LRRC4C: variants seen among roughly 807,000 people sequenced by gnomAD.
The protein encoded by LRRC4C is leucine rich repeat containing 4C.
Under a neutral mutation model 33.6 loss-of-function variants are expected in LRRC4C, and 5 were observed. The observed-to-expected ratio is 0.15, with a 90% CI of 0.08 to 0.31. The LOEUF (loss-of-function observed/expected upper bound fraction) is 0.31. Ranked by LOEUF, LRRC4C falls within the 10% of genes least tolerant of loss-of-function variation. The pLI is 1.00. For synonymous variants in LRRC4C, 329 were observed against 302.0 expected (o/e 1.09, Z -0.93); for missense variants, 560 against 796.7 (o/e 0.70, Z 3.58).
intron 3 of LRRC4C, among the ~76,000 whole-genome samples, chr11:40,454,716 A>G (rs544047341): frequency 7.3e-4 from 111 of 152,278 alleles, no homozygotes; most frequent in Middle Eastern, 6.8e-3. Flanking sequence ...CTACCCCTGC[A>G]TTGGGGCTCA....
chr11:41,099,865 G>T (rs1261868015), intron 1 of LRRC4C, among the ~76,000 whole-genome samples: 1 of 152,034 alleles, frequency 6.6e-6, no homozygotes, highest in African/African-American at 2.4e-5. Context: ...AATAAATAAA[G>T]GGTATCCAAA....
intron 2 of LRRC4C, among the ~76,000 whole-genome samples, chr11:40,859,694 C>T (rs1248577228): frequency 2.0e-5 from 3 of 152,104 alleles, no homozygotes; most frequent in Non-Finnish European, 2.9e-5. Flanking sequence ...AAGATGGAAA[C>T]AGCCCAAATT....
intron 5 of LRRC4C, among the ~76,000 whole-genome samples, chr11:40,188,208 T>C (rs1861560426): frequency 6.6e-6 from 1 of 152,236 alleles, no homozygotes; most frequent in Non-Finnish European, 1.5e-5. Context: ...ATTATTTTTC[T>C]AAATGCAAAG....
In LRRC4C at chr11:40,142,243, C is replaced by T. The variant is rs144194939; in HGVS notation, c.-95-1390G>A. Among the ~76,000 whole-genome samples the T allele has an allele frequency of 3.0e-3, 391 of 132,300 alleles. 1 individual carries two copies. The highest frequency in any genetic ancestry group is 0.011 in the African/African-American group (375 of 33,408). 86.8% of individuals were successfully genotyped at this position (132,300 alleles called of 152,430 possible). The stretch of plus-strand genomic sequence containing the variant: ...GCAGTGAGCCAAGATCATGCCACTG[C>T]ACTCCAGTCGGGTGACACAGTGAGA... On this transcript the variant is annotated intron_variant, in intron 5 of 6. Coordinates refer to ENST00000528697, the MANE Select transcript of LRRC4C (RefSeq NM_001258419.2).
chr11:40,664,231 G>T (rs1408698031), intron 2 of LRRC4C, among the ~76,000 whole-genome samples: 1 of 152,026 alleles, frequency 6.6e-6, no homozygotes, highest in Admixed American at 6.6e-5. Flanking sequence ...ACTACAAAAA[G>T]ATTTTAAAAA....
intron 2 of LRRC4C, among the ~76,000 whole-genome samples, chr11:40,672,363 C>T (rs1271678442): frequency 6.6e-6 from 1 of 152,154 alleles, no homozygotes; most frequent in African/African-American, 2.4e-5. Context: ...ATACCATCAT[C>T]TTGGGAGTTA....
intron 2 of LRRC4C, among the ~76,000 whole-genome samples, chr11:40,728,414 G>A (rs1947392520): frequency 6.6e-6 from 1 of 151,286 alleles, no homozygotes; most frequent in African/African-American, 2.4e-5. Context: ...GACCATCCTG[G>A]CTAACACGGT....
chr11:40,386,758 G>T (rs951502395), intron 3 of LRRC4C, among the ~76,000 whole-genome samples: 1 of 152,062 alleles, frequency 6.6e-6, no homozygotes, highest in African/African-American at 2.4e-5. Flanking sequence ...TATAAACTCT[G>T]TATAAATGTA....
chr11:41,337,409 A>T (rs1455103847), intron 1 of LRRC4C, among the ~76,000 whole-genome samples: 1 of 132,026 alleles, frequency 7.6e-6, no homozygotes, highest in Non-Finnish European at 1.8e-5. Flanking sequence ...GGCATTCTTC[A>T]GCAAACCTGA....
intron 1 of LRRC4C, among the ~76,000 whole-genome samples, chr11:40,991,884 C>T (rs11036177): frequency 0.37 from 55,998 of 151,978 alleles, 11,647 homozygotes; most frequent in East Asian, 0.52. Flanking sequence ...CTGCTCACCT[C>T]CTGCTGTGCA....
At chr11:40,776,617 T>A (rs551391371) in intron 2 of LRRC4C, among the ~76,000 whole-genome samples, 1 of 152,186 alleles carries the variant, frequency 6.6e-6, no homozygotes, top group African/African-American at 2.4e-5. Context: ...TGGATTTTTT[T>A]CTCTTTTTTT....
At chr11:40,539,724 A>T (rs971221820) in intron 3 of LRRC4C, among the ~76,000 whole-genome samples, 8 of 152,158 alleles carry the variant, frequency 5.3e-5, no homozygotes, top group African/African-American at 1.9e-4. Context: ...TCTGGTAGAG[A>T]ACACTGACAC....
At chr11:40,628,456 C>T (rs1339628673) in intron 3 of LRRC4C, among the ~76,000 whole-genome samples, 7 of 151,880 alleles carry the variant, frequency 4.6e-5, no homozygotes, top group Non-Finnish European at 7.4e-5. Flanking sequence ...CCAGCCTGGG[C>T]GACAGAGCGA....
intron 1 of LRRC4C, among the ~76,000 whole-genome samples, chr11:40,942,844 C>T (rs552997673): frequency 6.6e-6 from 1 of 152,100 alleles, no homozygotes; most frequent in Non-Finnish European, 1.5e-5. Context: ...AGTTCCAATC[C>T]TAACTCTAAC....
intron 3 of LRRC4C, among the ~76,000 whole-genome samples, chr11:40,604,116 C>A (rs1960312070): frequency 6.6e-6 from 1 of 151,944 alleles, no homozygotes; most frequent in African/African-American, 2.4e-5. Context: ...ACCACAAAGA[C>A]CCAACTTGAA....
At chr11:41,170,012 T>C (rs2136087221) in intron 1 of LRRC4C, among the ~76,000 whole-genome samples, 1 of 152,260 alleles carries the variant, frequency 6.6e-6, no homozygotes, top group African/African-American at 2.4e-5. Context: ...AGGGGTATAA[T>C]TGTTGAAACA....
intron 2 of LRRC4C, among the ~76,000 whole-genome samples, chr11:40,901,999 TACACACACACACACACA>T (rs1956226190): frequency 7.2e-6 from 1 of 139,738 alleles, no homozygotes; most frequent in East Asian, 2.1e-4. Flanking sequence ...TCTCTCTCTC[TACACACACACACACACA>T]CACACACACA....
intron 3 of LRRC4C, among the ~76,000 whole-genome samples, chr11:40,343,146 T>C (rs1383786210): frequency 3.9e-5 from 6 of 152,126 alleles, no homozygotes; most frequent in Admixed American, 2.0e-4. Context: ...CTCACTACCA[T>C]TGGAAATTCA....
At chr11:40,882,321 A>T (rs1201142803) in intron 2 of LRRC4C, among the ~76,000 whole-genome samples, 1 of 152,050 alleles carries the variant, frequency 6.6e-6, no homozygotes, top group Non-Finnish European at 1.5e-5. Context: ...GACACTCTTG[A>T]GAATAAAAAA....
Sources: gnomAD v4.1 joint callset for allele counts (sites outside exome capture counted in the v4.1 genomes callset) on GRCh38, gnomAD v4.1.1 for gene constraint, MANE v1.5 for transcripts, NCBI Gene and HGNC (gene_info 2026-07-23, HGNC 2026-07-21) for gene names.